NFATC1: variants seen among roughly 807,000 people sequenced by gnomAD.
The protein encoded by NFATC1 is nuclear factor of activated T cells 1, also known as nuclear factor of activated T-cells, cytoplasmic 1.
NFATC1 carries 22 observed loss-of-function variants against 76.0 expected under a neutral mutation model. That is an observed-to-expected ratio of 0.29 (90% confidence interval 0.21 to 0.41). NFATC1 has a LOEUF of 0.41. Among genes scored for constraint, NFATC1 ranks in the 10% least tolerant of loss-of-function variants. NFATC1 has a pLI of 1.00. For missense variants in NFATC1, 1,357 were observed against 1,337.7 expected (o/e 1.01, Z -0.23); for synonymous variants, 704 against 613.1 (o/e 1.15, Z -2.19).
At chr18:79,500,190 A>G (rs2089984003) in intron 9 of NFATC1, among the ~76,000 whole-genome samples, 2 of 152,200 alleles carry the variant, frequency 1.3e-5, no homozygotes, top group East Asian at 1.9e-4. Flanking sequence ...ACAAGCCTTA[A>G]TAAATTTCAA....
At chr18:79,478,078 C>T (rs111354805) in intron 8 of NFATC1, among the ~76,000 whole-genome samples, 7,786 of 146,136 alleles carry the variant, frequency 0.053, 310 homozygotes, top group Non-Finnish European at 0.075. Context: ...CCCCTGCCCC[C>T]CTGCCTGCCC....
intron 9 of NFATC1, chr18:79,493,639 A>C (rs943384966): frequency 6.6e-6 from 1 of 151,798 alleles, no homozygotes; most frequent in African/African-American, 2.4e-5. Flanking sequence ...GCTCCGGAGG[A>C]CGAGAAGCTC....
At chr18:79,418,441 C>T (rs941191091) in intron 2 of NFATC1, among the ~76,000 whole-genome samples, 6 of 152,212 alleles carry the variant, frequency 3.9e-5, no homozygotes, top group African/African-American at 1.4e-4. Context: ...CGAGCTCAGC[C>T]CTCTTGTCAC....
chr18:79,431,516 G>T (rs900785198), intron 2 of NFATC1, among the ~76,000 whole-genome samples: 4 of 152,020 alleles, frequency 2.6e-5, no homozygotes, highest in African/African-American at 4.8e-5. Flanking sequence ...CTCCTGTGTG[G>T]CTGGGATCAC....
intron 3 of NFATC1, among the ~76,000 whole-genome samples, chr18:79,440,763 G>T (rs1224561813): frequency 6.6e-6 from 1 of 152,262 alleles, no homozygotes; most frequent in African/African-American, 2.4e-5. Context: ...GGAGTGCAGG[G>T]TCTCTGTGTC....
intron 9 of NFATC1, among the ~76,000 whole-genome samples, chr18:79,513,551 G>A (rs1460802946): frequency 6.6e-6 from 1 of 152,266 alleles, no homozygotes; most frequent in Non-Finnish European, 1.5e-5. Context: ...AAACATCGTG[G>A]TGGTGAGGGA....
chr18:79,406,172 G>A (rs987497457), intron 1 of NFATC1, among the ~76,000 whole-genome samples: 3 of 152,228 alleles, frequency 2.0e-5, no homozygotes, highest in African/African-American at 7.2e-5. Flanking sequence ...AATTGCTAGG[G>A]TTTTAAAAAA....
chr18:79,442,548 C>T (rs1430172409), intron 3 of NFATC1, among the ~76,000 whole-genome samples: 1 of 152,244 alleles, frequency 6.6e-6, no homozygotes, highest in Non-Finnish European at 1.5e-5. Flanking sequence ...AAAGCCCAGA[C>T]ACCTTGGAGC....
chr18:79,511,686 C>T (rs958236189), intron 9 of NFATC1, among the ~76,000 whole-genome samples: 1 of 152,164 alleles, frequency 6.6e-6, no homozygotes, highest in Non-Finnish European at 1.5e-5. Context: ...CTGGATTTCC[C>T]TCCCAGAGGT....
At chr18:79,401,416 T>C (rs2085250976) in intron 1 of NFATC1, among the ~76,000 whole-genome samples, 1 of 152,182 alleles carries the variant, frequency 6.6e-6, no homozygotes, top group African/African-American at 2.4e-5. Context: ...AAACCTGTGC[T>C]GCCTGCGGTT....
intron 6 of NFATC1, among the ~76,000 whole-genome samples, chr18:79,453,367 C>G (rs1016074496): frequency 6.6e-6 from 1 of 152,256 alleles, no homozygotes; most frequent in Non-Finnish European, 1.5e-5. Flanking sequence ...AGCTCCTGCC[C>G]TAGCCAAGTT....
intron 9 of NFATC1, among the ~76,000 whole-genome samples, chr18:79,508,231 G>C (rs566502913): frequency 1.3e-5 from 2 of 151,820 alleles, no homozygotes; most frequent in African/African-American, 4.8e-5. Context: ...GAGGGAGGGA[G>C]GGACGGACGG....
rs1029053279 is a variant in NFATC1 at position 79,528,694 on chromosome 18, A to G, written c.*1117A>G. The G allele has an allele frequency of 1.3e-5, 2 of 152,252 alleles. No individual in the cohort carries two copies. The highest frequency in any genetic ancestry group is 6.5e-5 in the Admixed American group (1 of 15,286). The allele number at this position is 152,252 out of a possible 1,614,324, so 9.4% of individuals were successfully genotyped here. A position where few individuals can be genotyped will look rare whatever the true frequency, so the allele number is the denominator to read the frequency against. ...TTCAGTTATAAGATGATTGTTTCAC[A>G]GAAGCCTTACCACTCTCTGCTTCAT... On this transcript the variant is annotated 3_prime_UTR_variant, in exon 10 of 10. Transcript: ENST00000427363.
chr18:79,470,082 T>G (rs890490137), intron 8 of NFATC1: 1 of 904,204 alleles, frequency 1.1e-6, no homozygotes, highest in African/African-American at 1.8e-5. Flanking sequence ...CGGCTGGGTC[T>G]GAGGACGCCG....
At chr18:79,462,871 G>C (rs1273595270) in intron 7 of NFATC1, among the ~76,000 whole-genome samples, 1 of 152,102 alleles carries the variant, frequency 6.6e-6, no homozygotes, top group East Asian at 1.9e-4. Context: ...GTTGGAAGCT[G>C]GTCCCTTCAG....
intron 2 of NFATC1, among the ~76,000 whole-genome samples, chr18:79,433,321 A>G (rs2086662405): frequency 6.6e-6 from 1 of 152,226 alleles, no homozygotes. Context: ...AGTAACTGAT[A>G]GAAGCCTGTC....
chr18:79,497,563 G>C (rs182517071), intron 9 of NFATC1: 1 of 152,282 alleles, frequency 6.6e-6, no homozygotes, highest in African/African-American at 2.4e-5. Context: ...CCAAGGCTGC[G>C]ATCGACATTG....
At chr18:79,444,680 C>T (rs769472334) in intron 3 of NFATC1, among the ~76,000 whole-genome samples, 5 of 152,148 alleles carry the variant, frequency 3.3e-5, no homozygotes, top group Admixed American at 6.5e-5. Flanking sequence ...TGGGCACCCA[C>T]GTGCCCGACC....
chr18:79,422,622 G>T (rs1178803440), intron 2 of NFATC1: 1 of 152,320 alleles, frequency 6.6e-6, no homozygotes. Flanking sequence ...TGCTGCCTGG[G>T]GCGCTGGGAT....
Sources: allele counts gnomAD v4.1 joint callset (sites outside exome capture counted in the v4.1 genomes callset), GRCh38; gene constraint gnomAD v4.1.1; transcripts MANE v1.5; gene names NCBI Gene and HGNC (gene_info 2026-07-23, HGNC 2026-07-21).